LINGO2: variants seen among roughly 807,000 people sequenced by gnomAD.
The protein encoded by LINGO2 is leucine rich repeat and Ig domain containing 2, also known as leucine-rich repeat and immunoglobulin-like domain-containing nogo receptor-interacting protein 2.
In LINGO2, 14 loss-of-function variants were observed where a neutral mutation model predicts 30.6. That is an observed-to-expected ratio of 0.46 (90% CI 0.30 to 0.72). The LOEUF (loss-of-function observed/expected upper bound fraction) is 0.72. LINGO2 is among the 30% of genes least tolerant of loss of function. LINGO2 has a pLI of 0.07. For missense variants in LINGO2, 729 were observed against 751.7 expected (o/e 0.97, Z 0.35); for synonymous variants, 317 against 288.5 (o/e 1.10, Z -1.00).
the LINGO2 span, among the ~76,000 whole-genome samples, chr9:29,126,604 T>C: frequency 5.9e-5 from 9 of 152,150 alleles, no homozygotes; most frequent in African/African-American, 1.9e-4. Flanking sequence ...GGTATTTCTA[T>C]ATTCTCAGAA....
intron 2 of LINGO2, among the ~76,000 whole-genome samples, chr9:28,433,916 T>TCG (rs59900268): frequency 5.3e-5 from 3 of 56,128 alleles, no homozygotes; most frequent in African/African-American, 2.1e-4. Flanking sequence ...GAAAATGTGC[T>TCG]CTCTCTTTCT....
chr9:29,108,187 G>C, the LINGO2 span, among the ~76,000 whole-genome samples: 5 of 152,066 alleles, frequency 3.3e-5, no homozygotes, highest in Admixed American at 6.5e-5. Context: ...TTATTTCATT[G>C]CTTAATTGGG....
chr9:29,116,268 C>G, the LINGO2 span, among the ~76,000 whole-genome samples: 1 of 151,850 alleles, frequency 6.6e-6, no homozygotes, highest in Admixed American at 6.6e-5. Flanking sequence ...TAAGGGTTGA[C>G]TAGCAGAAAA....
At chr9:28,553,214 C>T (rs1251321773) in intron 1 of LINGO2, among the ~76,000 whole-genome samples, 1 of 151,996 alleles carries the variant, frequency 6.6e-6, no homozygotes, top group Non-Finnish European at 1.5e-5. Context: ...TAAGGGAGGA[C>T]ATTCAAACCA....
chr9:29,073,107 A>G, the LINGO2 span, among the ~76,000 whole-genome samples: 1 of 151,920 alleles, frequency 6.6e-6, no homozygotes, highest in African/African-American at 2.4e-5. Flanking sequence ...ATTTTAAACA[A>G]CCGTTGTATA....
the LINGO2 span, among the ~76,000 whole-genome samples, chr9:28,848,995 T>C: frequency 6.6e-6 from 1 of 151,962 alleles, no homozygotes; most frequent in Non-Finnish European, 1.5e-5. Flanking sequence ...CAGACCAAGT[T>C]ACATATTCTT....
At chr9:28,027,913 G>A (rs1823461798) in intron 4 of LINGO2, among the ~76,000 whole-genome samples, 1 of 151,988 alleles carries the variant, frequency 6.6e-6, no homozygotes, top group Non-Finnish European at 1.5e-5. Context: ...GTCCAGGATT[G>A]GCCCCAAAAG....
chr9:27,964,085 C>T (rs1439628444), intron 5 of LINGO2, among the ~76,000 whole-genome samples: 2 of 151,994 alleles, frequency 1.3e-5, no homozygotes, highest in Non-Finnish European at 2.9e-5. Context: ...TAATTATCCT[C>T]CAAACCATTG....
At chr9:28,628,063 G>A (rs1219883782) in intron 1 of LINGO2, among the ~76,000 whole-genome samples, 2 of 151,734 alleles carry the variant, frequency 1.3e-5, no homozygotes, top group African/African-American at 4.8e-5. Flanking sequence ...GTTTTTATTT[G>A]TGGAGTTATG....
chr9:28,691,059 T>C, the LINGO2 span, among the ~76,000 whole-genome samples: 1 of 152,216 alleles, frequency 6.6e-6, no homozygotes, highest in African/African-American at 2.4e-5. Context: ...TGCTACACTC[T>C]TTAACACATG....
chr9:28,267,329 C>T (rs1564084584), intron 4 of LINGO2, among the ~76,000 whole-genome samples: 1 of 151,840 alleles, frequency 6.6e-6, no homozygotes. Flanking sequence ...TTACACATAG[C>T]TGCCAAATTC....
chr9:28,757,791 C>T, the LINGO2 span, among the ~76,000 whole-genome samples: 2 of 151,972 alleles, frequency 1.3e-5, 1 homozygote, highest in African/African-American at 4.8e-5. Flanking sequence ...GCTTCCGACA[C>T]AGTTCAAGAG....
In LINGO2 at chr9:28,148,209, C is replaced by T; in HGVS notation, c.-86-135804G>A. On this transcript the variant is annotated intron_variant, in intron 4 of 5. Transcript: ENST00000379992. The surrounding 1 kb of genome is among the most constrained non-coding windows in gnomAD (Gnocchi z 5.1). ...TTTCCAGTCAGTTGGGACGGCGCCC[C>T]TATGAGGCTGTGTCTTATCCCTCGG... 1.4e-6 allele frequency: 1 copy of T among 738,724 alleles called. No homozygotes were observed. The highest frequency in any genetic ancestry group is 3.0e-5 in the Admixed American group (1 of 32,842). 45.8% of individuals were successfully genotyped at this position (738,724 alleles called of 1,614,324 possible). A position where few individuals can be genotyped will look rare whatever the true frequency, so the allele number is the denominator to read the frequency against.
chr9:29,113,081 C>A, the LINGO2 span, among the ~76,000 whole-genome samples: 1 of 152,226 alleles, frequency 6.6e-6, no homozygotes, highest in South Asian at 2.1e-4. Flanking sequence ...GTATAACTTG[C>A]AAATACAAAG....
chr9:28,230,215 GT>G (rs1290225092), intron 4 of LINGO2, among the ~76,000 whole-genome samples: 1 of 151,856 alleles, frequency 6.6e-6, no homozygotes, highest in East Asian at 1.9e-4. Context: ...GTGTGCATGT[GT>G]GTATGCAGTT....
chr9:28,782,511 C>T, the LINGO2 span, among the ~76,000 whole-genome samples: 6 of 152,082 alleles, frequency 3.9e-5, no homozygotes, highest in South Asian at 2.1e-4. Flanking sequence ...AGAGGTTGTA[C>T]GTCAGTATGT....
intron 3 of LINGO2, among the ~76,000 whole-genome samples, chr9:28,324,222 G>A (rs1345959199): frequency 6.6e-6 from 1 of 152,132 alleles, no homozygotes; most frequent in East Asian, 1.9e-4. Context: ...GCAGTTATTC[G>A]TTTGTTGGTG....
At chr9:28,153,674 T>A (rs1002445060) in intron 4 of LINGO2, among the ~76,000 whole-genome samples, 5 of 152,164 alleles carry the variant, frequency 3.3e-5, no homozygotes, top group African/African-American at 1.2e-4. Flanking sequence ...TTCTAATTGT[T>A]AAAATAACCA....
chr9:28,532,127 A>G (rs1342289205), intron 1 of LINGO2, among the ~76,000 whole-genome samples: 1 of 152,144 alleles, frequency 6.6e-6, no homozygotes, highest in Non-Finnish European at 1.5e-5. Flanking sequence ...AATTTCTTAT[A>G]CAAACAGAAG....
Sources: allele counts gnomAD v4.1 joint callset (sites outside exome capture counted in the v4.1 genomes callset), GRCh38; gene constraint gnomAD v4.1.1; non-coding constraint Gnocchi (gnomAD v3.1); transcripts MANE v1.5; gene names NCBI Gene and HGNC (gene_info 2026-07-23, HGNC 2026-07-21).